Variants in PPARGC1A observed in about 807,000 individuals in gnomAD.
PPARGC1A encodes peroxisome proliferator-activated receptor gamma coactivator 1-alpha.
In PPARGC1A, 25 loss-of-function variants were observed where a neutral mutation model predicts 88.7. That is an observed-to-expected ratio of 0.28 (90% CI 0.21 to 0.39). PPARGC1A has a LOEUF of 0.39. Ranked by LOEUF, PPARGC1A falls within the 10% of genes least tolerant of loss-of-function variation. The pLI, the probability that PPARGC1A is intolerant of heterozygous loss-of-function variation, is 1.00. For missense variants in PPARGC1A, 880 were observed against 968.7 expected (o/e 0.91, Z 1.22); for synonymous variants, 363 against 355.6 (o/e 1.02, Z -0.24).
At chr4:23,945,616 G>T in the PPARGC1A span, among the ~76,000 whole-genome samples, 1 of 152,144 alleles carries the variant, frequency 6.6e-6, no homozygotes, top group Admixed American at 6.5e-5. Flanking sequence ...AGTTGAGTAA[G>T]CGGGGAGGGT....
At chr4:24,410,018 A>T in the PPARGC1A span, among the ~76,000 whole-genome samples, 4 of 152,202 alleles carry the variant, frequency 2.6e-5, no homozygotes, top group African/African-American at 9.6e-5. Flanking sequence ...TAATCCACTC[A>T]AATGTGTACT....
At chr4:24,449,814 C>T in the PPARGC1A span, among the ~76,000 whole-genome samples, 6 of 152,110 alleles carry the variant, frequency 3.9e-5, no homozygotes, top group Non-Finnish European at 8.8e-5. Context: ...CAAAAAAGAA[C>T]CGGATATTAC....
chr4:24,150,098 T>C, the PPARGC1A span, among the ~76,000 whole-genome samples: 5 of 152,142 alleles, frequency 3.3e-5, no homozygotes, highest in Non-Finnish European at 7.4e-5. Flanking sequence ...AGATCTTTAA[T>C]CAATAAAAAG....
chr4:24,094,586 C>A, the PPARGC1A span, among the ~76,000 whole-genome samples: 5 of 152,334 alleles, frequency 3.3e-5, no homozygotes, highest in East Asian at 9.6e-4. Context: ...AGAATCCAAA[C>A]TCAGAATAGC....
chr4:24,345,644 T>C, the PPARGC1A span, among the ~76,000 whole-genome samples: 70 of 152,294 alleles, frequency 4.6e-4, no homozygotes, highest in African/African-American at 1.6e-3. Flanking sequence ...TCCGGAAACT[T>C]TGCTGAATTC....
the PPARGC1A span, among the ~76,000 whole-genome samples, chr4:24,270,128 C>T: frequency 6.6e-6 from 1 of 152,122 alleles, no homozygotes; most frequent in Admixed American, 6.6e-5. Context: ...GAACAAATAG[C>T]TTCTCCTGCC....
At chr4:24,357,331 G>C in the PPARGC1A span, among the ~76,000 whole-genome samples, 1 of 152,196 alleles carries the variant, frequency 6.6e-6, no homozygotes, top group Non-Finnish European at 1.5e-5. Context: ...CACAGCTAGA[G>C]CCAAACCCAG....
At chr4:23,836,073 G>A (rs531462863) in intron 2 of PPARGC1A, among the ~76,000 whole-genome samples, 79 of 152,202 alleles carry the variant, frequency 5.2e-4, no homozygotes, top group Middle Eastern at 3.4e-3. Flanking sequence ...TCAAAGACTC[G>A]GCTCTGATAC....
the PPARGC1A span, among the ~76,000 whole-genome samples, chr4:24,452,088 GA>G: frequency 0.074 from 11,321 of 152,082 alleles, 656 homozygotes; most frequent in African/African-American, 0.17. Flanking sequence ...GACCTCCCCT[GA>G]GCAAGAAGGA....
At chr4:23,912,679 G>T in the PPARGC1A span, among the ~76,000 whole-genome samples, 1 of 152,032 alleles carries the variant, frequency 6.6e-6, no homozygotes, top group Non-Finnish European at 1.5e-5. Context: ...CCTGTTTGCT[G>T]GCCCACACTG....
intron 1 of PPARGC1A, among the ~76,000 whole-genome samples, chr4:23,895,754 T>A (rs1353448437): frequency 2.0e-5 from 3 of 152,030 alleles, no homozygotes; most frequent in African/African-American, 7.2e-5. Flanking sequence ...ATTCAAAACT[T>A]CTAAAAACCT....
chr4:23,901,638 G>A (rs1719400988), upstream of PPARGC1A, among the ~76,000 whole-genome samples: 1 of 151,820 alleles, frequency 6.6e-6, no homozygotes, highest in Non-Finnish European at 1.5e-5. Flanking sequence ...GACAATGAGA[G>A]GAACCACAAA....
the PPARGC1A span, among the ~76,000 whole-genome samples, chr4:24,311,282 T>C: frequency 3.4e-5 from 5 of 148,022 alleles, no homozygotes; most frequent in Non-Finnish European, 4.5e-5. Flanking sequence ...TTTGTATTCT[T>C]AGTAGCGACG....
chr4:24,086,084 T>C, the PPARGC1A span, among the ~76,000 whole-genome samples: 5 of 152,242 alleles, frequency 3.3e-5, no homozygotes, highest in Non-Finnish European at 7.3e-5. Context: ...TATTACCTTC[T>C]CTGAGTCTTC....
intron 3 of PPARGC1A, 129 bp downstream of exon 3, chr4:23,831,428 G>T: frequency 1.3e-6 from 1 of 767,606 alleles, no homozygotes; most frequent in South Asian, 2.1e-5. Flanking sequence ...AACTCTGAGT[G>T]TGCTTGGGGA....
At chr4:24,208,852 C>T in the PPARGC1A span, among the ~76,000 whole-genome samples, 4 of 152,152 alleles carry the variant, frequency 2.6e-5, no homozygotes, top group East Asian at 7.7e-4. Flanking sequence ...AATATTGCAA[C>T]TCTATAATGA....
At chr4:23,878,968 C>T (rs1018345247) in intron 2 of PPARGC1A, among the ~76,000 whole-genome samples, 7 of 152,142 alleles carry the variant, frequency 4.6e-5, no homozygotes, top group Admixed American at 6.5e-5. Context: ...TATTTTCTTA[C>T]TTGAAGTCTA....
chr4:24,436,437 G>C, the PPARGC1A span, among the ~76,000 whole-genome samples: 7 of 152,082 alleles, frequency 4.6e-5, no homozygotes, highest in East Asian at 1.9e-4. Flanking sequence ...CCTGGTCACA[G>C]AGCTGACATC....
At chr4:24,289,618 T>C in the PPARGC1A span, among the ~76,000 whole-genome samples, 1 of 152,238 alleles carries the variant, frequency 6.6e-6, no homozygotes, top group African/African-American at 2.4e-5. Context: ...TTCTCACTAG[T>C]GATTCCTCAA....
Sources: allele counts gnomAD v4.1 joint callset (sites outside exome capture counted in the v4.1 genomes callset), GRCh38; gene constraint gnomAD v4.1.1; transcripts MANE v1.5; gene names NCBI Gene and HGNC (gene_info 2026-07-23, HGNC 2026-07-21).